Variants in AKR1C2 observed in about 807,000 individuals in gnomAD.
The protein encoded by AKR1C2 is aldo-keto reductase family 1 member C2, also known as 3-alpha-HSD3.
Under a neutral mutation model 39.8 loss-of-function variants are expected in AKR1C2, and 27 were observed. The ratio of observed to expected loss-of-function variants is 0.68; its 90% CI spans 0.50 to 0.93. AKR1C2 has a LOEUF of 0.93. AKR1C2 is among the 40% of genes least tolerant of loss of function. The pLI is 0.00. For synonymous variants in AKR1C2, 114 were observed against 137.9 expected, an observed-to-expected ratio of 0.83 and a Z score of 1.22; for missense variants, 263 against 365.1, an observed-to-expected ratio of 0.72 and a Z score of 2.28.
At position 4,999,234 on chromosome 10, in the gene AKR1C2, A is replaced by T. The variant is rs377674622; in HGVS notation, c.413T>A (p.Leu138Gln). 25 of 1,609,188 alleles carry T rather than the reference A, an allele frequency of 1.6e-5. No individual in the cohort carries two copies. In the Middle Eastern group the frequency reaches 6.6e-4, roughly 43 times the overall value. The change falls in exon 4 of 9, where the codon CTA becomes CAA. Residue 138 changes from leucine (L) to glutamine (Q), a missense_variant. This residue lies in a region of AKR1C2 where 247 missense variants were observed against 267.9 expected (regional missense o/e 0.92). Coordinates refer to ENST00000380753, the MANE Select transcript of AKR1C2 (RefSeq NM_001393392.1). ...VIPKDENGKI[L>Q]FDTVDLCATW... ...GGCACAGAGATCCACTGTGTCAAAT[A>T]GTATTTTTCCATTTTCATCTTTTGG...
intron 1 of AKR1C2, chr10:5,015,017 C>G (rs1225722146): frequency 6.6e-6 from 1 of 152,228 alleles, no homozygotes; most frequent in Admixed American, 6.5e-5. Flanking sequence ...ATAGCCTAGA[C>G]AGCATTCCTC....
chr10:4,994,967 T>A (rs1836980186), intron 7 of AKR1C2, among the ~76,000 whole-genome samples: 2 of 117,536 alleles, frequency 1.7e-5, no homozygotes, highest in African/African-American at 6.5e-5. Context: ...GAATTTATAC[T>A]ACATAAACAT....
chr10:5,002,723 C>T (rs1486713686), intron 1 of AKR1C2, among the ~76,000 whole-genome samples: 1 of 152,142 alleles, frequency 6.6e-6, no homozygotes, highest in Non-Finnish European at 1.5e-5. Flanking sequence ...ATTTCAGAGG[C>T]TTTTTCCTGT....
chr10:5,016,131 A>G (rs1234850417), intron 1 of AKR1C2, among the ~76,000 whole-genome samples: 1 of 152,090 alleles, frequency 6.6e-6, no homozygotes, highest in East Asian at 1.9e-4. Context: ...ACAGAGCCAA[A>G]CCATATCACT....
At chr10:4,996,070 TC>T in intron 5 of AKR1C2, 1 of 705,026 alleles carries the variant, frequency 1.4e-6, no homozygotes, top group Non-Finnish European at 2.1e-6. Flanking sequence ...CACAAGCAAC[TC>T]CATGAACCCT....
intron 7 of AKR1C2, among the ~76,000 whole-genome samples, chr10:4,994,378 G>A (rs1836957622): frequency 6.6e-6 from 1 of 152,060 alleles, no homozygotes; most frequent in Admixed American, 6.6e-5. Context: ...ATGTCCCTGT[G>A]TCCACTTGCT....
At position 5,001,508 on chromosome 10, in the gene AKR1C2, C is replaced by A; in HGVS notation, c.252+6G>T. 6.2e-7 allele frequency: 1 copy of A among 1,612,516 alleles called. No individual in the cohort carries two copies. Among genetic ancestry groups the A allele is most frequent in the Non-Finnish European group, 8.5e-7 (1 of 1,179,412 alleles). On this transcript the variant is annotated splice_donor_region_variant and intron_variant, in intron 2 of 8. Coordinates refer to ENST00000380753, the MANE Select transcript of AKR1C2 (RefSeq NM_001393392.1). ...TGTGCACACAAGCTCATCATAGGCACAGTACCTTTGAAGTGTAGAATATGT... is the reference window on the plus strand; with the variant it reads ...TGTGCACACAAGCTCATCATAGGCAAAGTACCTTTGAAGTGTAGAATATGT...
chr10:4,995,587 A>G lies in AKR1C2; in HGVS notation c.681-103T>C, dbSNP rs1217131385. 8 of 1,506,642 alleles carry G rather than the reference A, an allele frequency of 5.3e-6. No individual in the cohort carries two copies. In the South Asian group the frequency reaches 6.4e-5, roughly 12 times the overall value. 93.3% of individuals were successfully genotyped at this position (1,506,642 alleles called of 1,614,324 possible). A position where few individuals can be genotyped will look rare whatever the true frequency, so the allele number is the denominator to read the frequency against. ...GTCCACTCTGCACCGGAGCTTCTCA[A>G]GCGAGGCCCCCGAACAGCAGCCTCA... On this transcript the variant is annotated intron_variant, in intron 6 of 8. Transcript: ENST00000380753.
intron 1 of AKR1C2, among the ~76,000 whole-genome samples, chr10:5,017,543 A>G (rs1349036743): frequency 1.3e-5 from 2 of 152,130 alleles, no homozygotes. Flanking sequence ...TCTCATCTCC[A>G]TCTGAGAACT....
chr10:5,014,325 A>G lies in AKR1C2; in HGVS notation c.-88+3575T>C, dbSNP rs1347571321. ...CCTATTGTCCAGGCTGTCCTCTGCT[A>G]TGGTTACTGGGCTCGTTTTTAGCAC... On this transcript the variant is annotated intron_variant, in intron 1 of 6. Transcript: ENST00000604507. Among the ~76,000 whole-genome samples, 5 of 152,178 alleles carry G rather than the reference A, an allele frequency of 3.3e-5. No individual in the cohort carries two copies. In the East Asian group the frequency reaches 5.8e-4, roughly 18 times the overall value.
intron 1 of AKR1C2, among the ~76,000 whole-genome samples, chr10:5,003,116 C>G (rs1837320932): frequency 6.6e-6 from 1 of 151,188 alleles, no homozygotes; most frequent in African/African-American, 2.4e-5. Flanking sequence ...GTCAGAGAAA[C>G]AAGAAATTTT....
chr10:5,002,465 T>C (rs1837302537), intron 1 of AKR1C2, among the ~76,000 whole-genome samples: 1 of 152,182 alleles, frequency 6.6e-6, no homozygotes. Context: ...CAGAACCAAA[T>C]ACTAGGAGTA....
At chr10:4,994,231 A>G (rs1276417731) in intron 7 of AKR1C2, among the ~76,000 whole-genome samples, 1 of 150,752 alleles carries the variant, frequency 6.6e-6, no homozygotes, top group Non-Finnish European at 1.5e-5. Flanking sequence ...TTCTTTAGAG[A>G]CTTGTATGAA....
chr10:4,995,215 C>G, intron 7 of AKR1C2, 104 bp downstream of exon 7: 1 of 1,361,114 alleles, frequency 7.3e-7, no homozygotes, highest in African/African-American at 1.6e-5. Context: ...ATAGGAAATA[C>G]AGGGAAATGG....
At chr10:5,007,781 T>C (rs1554774561), upstream of AKR1C2, among the ~76,000 whole-genome samples, 2 of 151,794 alleles carry the variant, frequency 1.3e-5, no homozygotes, top group African/African-American at 4.9e-5. Flanking sequence ...TATGAGCCTG[T>C]AAAATCAAAA....
chr10:5,000,435 T>G, intron 3 of AKR1C2, 115 bp downstream of exon 3: 1 of 1,596,894 alleles, frequency 6.3e-7, no homozygotes, highest in Non-Finnish European at 8.5e-7. Flanking sequence ...AGGGCTCTTC[T>G]TCCATGTTAA....
At position 4,998,725 on chromosome 10, in the gene AKR1C2, G is replaced by A. The variant is rs1554773447; in HGVS notation, c.470C>T (p.Ala157Val). 5 of 1,614,000 alleles carry A rather than the reference G, an allele frequency of 3.1e-6. No homozygotes were observed. The highest frequency in any genetic ancestry group is 4.2e-6 in the Non-Finnish European group (5 of 1,180,026). ...TWEAMEKCKD[A>V]GLAKSIGVSN... ...CACCCCGATGGACTTGGCCAATCCT[G>A]CATCTTTACACTTCTCCATGGCCTG... Residue 157 changes from alanine to valine, a missense_variant, in exon 5 of 9, where the codon GCA (alanine) becomes GTA (valine). Physicochemically the swap from Ala to Val is moderately conservative, Grantham distance 64. Coordinates refer to ENST00000380753, the MANE Select transcript of AKR1C2 (RefSeq NM_001393392.1).
chr10:4,990,346 T>C (rs561859869), intron 8 of AKR1C2, among the ~76,000 whole-genome samples: 4 of 152,148 alleles, frequency 2.6e-5, no homozygotes, highest in Non-Finnish European at 4.4e-5. Flanking sequence ...AAAGAGATAT[T>C]CTGACCTTTT....
intron 3 of AKR1C2, chr10:5,000,283 A>G (rs1312382688): frequency 6.8e-7 from 1 of 1,474,266 alleles, no homozygotes; most frequent in Non-Finnish European, 9.0e-7. Flanking sequence ...TGTGCCTTCA[A>G]GGAGATGATT....
Sources: allele counts gnomAD v4.1 joint callset (sites outside exome capture counted in the v4.1 genomes callset), GRCh38; gene constraint gnomAD v4.1.1; regional missense constraint gnomAD v4.1.1; transcripts MANE v1.5; gene names NCBI Gene and HGNC (gene_info 2026-07-23, HGNC 2026-07-21).